The following RFX3 variants were observed in gnomAD, a reference collection of about 807,000 sequenced individuals.
RFX3 encodes transcription factor RFX3.
A neutral mutation model predicts 98.6 loss-of-function variants in RFX3; 14 were observed. The ratio of observed to expected loss-of-function variants is 0.14; its 90% CI spans 0.09 to 0.22. The LOEUF is 0.22. Among genes scored for constraint, RFX3 ranks in the 10% least tolerant of loss-of-function variants. The pLI is 1.00. For missense variants in RFX3, 639 were observed against 926.9 expected, an observed-to-expected ratio of 0.69 and a Z score of 4.03; for synonymous variants, 383 against 328.4, an observed-to-expected ratio of 1.17 and a Z score of -1.80.
chr9:3,496,354 C>T (rs1167611630), intron 1 of RFX3, among the ~76,000 whole-genome samples: 2 of 151,908 alleles, frequency 1.3e-5, no homozygotes, highest in Non-Finnish European at 2.9e-5. Context: ...AATGAGAGGT[C>T]ATTTTATAAA....
intron 1 of RFX3, among the ~76,000 whole-genome samples, chr9:3,516,778 T>G (rs976569472): frequency 6.6e-6 from 1 of 152,108 alleles, no homozygotes; most frequent in African/African-American, 2.4e-5. Flanking sequence ...ACTCGGGAAA[T>G]TATGTCCTGT....
intron 1 of RFX3, among the ~76,000 whole-genome samples, chr9:3,410,350 CAG>C (rs1842362228): frequency 6.6e-6 from 1 of 152,052 alleles, no homozygotes; most frequent in Non-Finnish European, 1.5e-5. Context: ...TATTATTATA[CAG>C]AGTTTCTGAG....
At chr9:3,353,201 G>A (rs1348955914) in intron 2 of RFX3, among the ~76,000 whole-genome samples, 1 of 138,906 alleles carries the variant, frequency 7.2e-6, no homozygotes, top group Non-Finnish European at 1.5e-5. Flanking sequence ...CTGTTGTGGG[G>A]TAGGGGGAGG....
chr9:3,328,605 C>T (rs1022160233), intron 4 of RFX3, among the ~76,000 whole-genome samples: 3 of 152,058 alleles, frequency 2.0e-5, no homozygotes, highest in Non-Finnish European at 4.4e-5. Context: ...AAGGAACTCT[C>T]CGCTCAGAAC....
intron 1 of RFX3, among the ~76,000 whole-genome samples, chr9:3,445,905 T>C (rs1846004110): frequency 6.6e-6 from 1 of 152,130 alleles, no homozygotes; most frequent in African/African-American, 2.4e-5. Context: ...CTTTCCAGGA[T>C]CAGTTTAAAT....
chr9:3,371,750 A>C (rs1037450113), intron 2 of RFX3, among the ~76,000 whole-genome samples: 1 of 152,210 alleles, frequency 6.6e-6, no homozygotes, highest in Non-Finnish European at 1.5e-5. Context: ...GGGTTAGTAG[A>C]GAACAGAAGG....
chr9:3,499,227 T>C (rs1035489951), intron 1 of RFX3, among the ~76,000 whole-genome samples: 2 of 152,056 alleles, frequency 1.3e-5, no homozygotes, highest in Non-Finnish European at 2.9e-5. Flanking sequence ...GAGCAAGTTT[T>C]AGGGAAAAAA....
Position 3,240,607 on chromosome 9 carries a change from C to T in RFX3, c.1968+7425G>A, listed in dbSNP as rs867554903. On this transcript the variant is annotated intron_variant, in intron 15 of 16. Coordinates refer to ENST00000617270, the MANE Select transcript of RFX3 (RefSeq NM_001282116.2). ...GCTTGTATTATCATCACATAAGGCC[C>T]ATATTCTTGCAGAGAATCTCTAATT... Among the ~76,000 whole-genome samples, 10 of 152,230 alleles carry T rather than the reference C, an allele frequency of 6.6e-5. 1 individual carries two copies. The South Asian group carries it at 2.1e-3, about 32-fold the overall frequency.
At chr9:3,424,454 C>G (rs542554489) in intron 1 of RFX3, among the ~76,000 whole-genome samples, 2 of 146,340 alleles carry the variant, frequency 1.4e-5, no homozygotes, top group Admixed American at 6.9e-5. Context: ...CTCCGCCTCC[C>G]GGGTTCACGC....
In RFX3 at chr9:3,510,934, G is replaced by A. The variant is rs528741987; in HGVS notation, c.-9+14813C>T. Among the ~76,000 whole-genome samples, 19 of 152,060 alleles carry A rather than the reference G, an allele frequency of 1.2e-4. No homozygotes were observed. The South Asian group carries it at 3.3e-3, about 27-fold the overall frequency. On this transcript the variant is annotated intron_variant, in intron 1 of 16. Transcript: ENST00000617270. ...CAGTTAGAATTATATATAACCCTTT[G>A]AGAAAAGAAACAGTTTAGTTCTAAA...
At chr9:3,360,509 A>G (rs1305619817) in intron 2 of RFX3, among the ~76,000 whole-genome samples, 1 of 152,124 alleles carries the variant, frequency 6.6e-6, no homozygotes, top group Non-Finnish European at 1.5e-5. Flanking sequence ...TATTCTGTCA[A>G]CTGAAGGGAA....
chr9:3,242,869 T>A (rs1488386756), intron 15 of RFX3, among the ~76,000 whole-genome samples: 1 of 152,034 alleles, frequency 6.6e-6, no homozygotes. Context: ...CTGGTTTCTC[T>A]TTATTTGAAA....
intron 1 of RFX3, among the ~76,000 whole-genome samples, chr9:3,516,453 C>G (rs1818180410): frequency 6.6e-6 from 1 of 152,054 alleles, no homozygotes; most frequent in Non-Finnish European, 1.5e-5. Context: ...CAAGTATAAA[C>G]AATATTAAGA....
At chr9:3,437,143 T>C (rs1371239497) in intron 1 of RFX3, among the ~76,000 whole-genome samples, 1 of 152,044 alleles carries the variant, frequency 6.6e-6, no homozygotes, top group Non-Finnish European at 1.5e-5. Context: ...AAGGAAAATA[T>C]TGCACTTTGA....
In RFX3 at chr9:3,218,854, GACTGA is replaced by G. The variant is rs2130455183; in HGVS notation, c.*6183_*6187del. 6.6e-6 allele frequency: 1 copy of G among 152,034 alleles called. No individual in the cohort carries two copies. Among genetic ancestry groups the G allele is most frequent in the African/African-American group, 2.4e-5 (1 of 41,494 alleles). The allele number at this position is 152,034 out of a possible 1,614,324, so 9.4% of individuals were successfully genotyped here. A position where few individuals can be genotyped will look rare whatever the true frequency, so the allele number is the denominator to read the frequency against. On this transcript the variant is annotated 3_prime_UTR_variant, in exon 17 of 17. Coordinates refer to ENST00000617270, the MANE Select transcript of RFX3 (RefSeq NM_001282116.2). ...TGTTACTATGTTTCTGTGCTTGTGG[GACTGA>G]ATAATGTAATCTGCCACTTACTAAG...
intron 11 of RFX3, among the ~76,000 whole-genome samples, chr9:3,270,131 G>GAAAGAAAGAAAGA (rs1824233820): frequency 7.5e-6 from 1 of 134,162 alleles, no homozygotes; most frequent in Non-Finnish European, 1.7e-5. Context: ...AGAAAGGAAA[G>GAAAGAAAGAAAGA]AAAGAAAGAA....
At chr9:3,263,385 CTT>C (rs1266831422) in intron 12 of RFX3, among the ~76,000 whole-genome samples, 1 of 152,082 alleles carries the variant, frequency 6.6e-6, no homozygotes, top group Non-Finnish European at 1.5e-5. Flanking sequence ...TAAGAAATGA[CTT>C]TGAGTAGGGA....
chr9:3,492,103 C>T (rs1328007454), intron 1 of RFX3, among the ~76,000 whole-genome samples: 1 of 152,156 alleles, frequency 6.6e-6, no homozygotes, highest in Non-Finnish European at 1.5e-5. Context: ...GTACTAGATG[C>T]TTGGCAATGT....
intron 1 of RFX3, among the ~76,000 whole-genome samples, chr9:3,479,380 C>A (rs1292618739): frequency 1.3e-5 from 2 of 151,710 alleles, no homozygotes; most frequent in Non-Finnish European, 2.9e-5. Flanking sequence ...AAGATCTTAA[C>A]CAAAAAAAAC....
Sources: allele counts gnomAD v4.1 joint callset (sites outside exome capture counted in the v4.1 genomes callset), GRCh38; gene constraint gnomAD v4.1.1; transcripts MANE v1.5; gene names NCBI Gene and HGNC (gene_info 2026-07-23, HGNC 2026-07-21).